ZNF536: variants seen among roughly 807,000 people sequenced by gnomAD.
ZNF536 encodes zinc finger protein 536.
A neutral mutation model predicts 84.5 loss-of-function variants in ZNF536; 13 were observed. The observed-to-expected ratio is 0.15, with a 90% CI of 0.10 to 0.24. The LOEUF is 0.24. Among genes scored for constraint, ZNF536 ranks in the 10% least tolerant of loss-of-function variants. The probability of loss-of-function intolerance (pLI) is 1.00; values close to 1 mark genes in which losing one functional copy is unlikely to be tolerated. For missense variants in ZNF536, 1,536 were observed against 1,747.5 expected (o/e 0.88, Z 2.16); for synonymous variants, 811 against 742.5 (o/e 1.09, Z -1.50).
chr19:30,484,390 CTTT>C (rs375461433), intron 2 of ZNF536, among the ~76,000 whole-genome samples: 1 of 117,440 alleles, frequency 8.5e-6, no homozygotes, highest in Non-Finnish European at 1.7e-5. Flanking sequence ...TCATGCCCAG[CTTT>C]TTTTTTTTTT....
intron 1 of ZNF536, among the ~76,000 whole-genome samples, chr19:30,705,445 TCA>T (rs1356114502): frequency 6.6e-6 from 1 of 152,192 alleles, no homozygotes; most frequent in African/African-American, 2.4e-5. Context: ...CACATTTTAA[TCA>T]CAGTCTTTGT....
Position 30,340,820 on chromosome 19 carries a change from C to T in ZNF536, c.-119-11548C>T, listed in dbSNP as rs61329178. 8.6e-3 allele frequency among the ~76,000 whole-genome samples: 1,304 copies of T among 152,168 alleles called. 27 individuals are homozygous for T. Among genetic ancestry groups the T allele is most frequent in the African/African-American group, 0.03 (1,239 of 41,518 alleles). On this transcript the variant is annotated intron_variant, in intron 2 of 5. Transcript: ENST00000585628. ...TCACCAAAGAACCTGAAATAATTGC[C>T]GGAATGATATCCTCTAAAAGATGTG...
intron 2 of ZNF536, among the ~76,000 whole-genome samples, chr19:30,314,373 C>T (rs931538151): frequency 6.6e-6 from 1 of 152,128 alleles, no homozygotes; most frequent in African/African-American, 2.4e-5. Context: ...GACTCTGCCC[C>T]TCGTCGAGAC....
At chr19:30,642,200 GC>G (rs2049291885) in intron 1 of ZNF536, among the ~76,000 whole-genome samples, 1 of 152,150 alleles carries the variant, frequency 6.6e-6, no homozygotes, top group African/African-American at 2.4e-5. Context: ...AAGTTCGTTT[GC>G]ATTGCAAATC....
At chr19:30,295,497 C>T (rs986707838) in intron 2 of ZNF536, among the ~76,000 whole-genome samples, 5 of 152,158 alleles carry the variant, frequency 3.3e-5, no homozygotes, top group South Asian at 2.1e-4. Context: ...TCTTGGGTAT[C>T]GTCCAAGAAT....
chr19:30,334,869 C>A (rs569922110), intron 2 of ZNF536, among the ~76,000 whole-genome samples: 1 of 152,336 alleles, frequency 6.6e-6, no homozygotes, highest in East Asian at 1.9e-4. Context: ...AAGGAGCACA[C>A]AACCTAGATC....
At chr19:30,256,927 GTAATTA>G (rs2024945388) in intron 1 of ZNF536, among the ~76,000 whole-genome samples, 1 of 152,124 alleles carries the variant, frequency 6.6e-6, no homozygotes. Flanking sequence ...TGTCATTTTG[GTAATTA>G]TATCAATCAA....
upstream of ZNF536, among the ~76,000 whole-genome samples, chr19:30,368,303 C>T (rs139581197): frequency 6.6e-5 from 10 of 152,326 alleles, no homozygotes; most frequent in East Asian, 7.7e-4. Flanking sequence ...TTGACCATAT[C>T]TTTCCTCTCA....
intron 1 of ZNF536, among the ~76,000 whole-genome samples, chr19:30,263,865 A>AACACAC (rs573908568): frequency 1.5e-5 from 2 of 133,310 alleles, no homozygotes; most frequent in Non-Finnish European, 3.1e-5. Flanking sequence ...CTGAAATTTA[A>AACACAC]ACACACACAC....
chr19:30,488,665 G>A (rs1002752850), intron 2 of ZNF536, among the ~76,000 whole-genome samples: 2 of 152,026 alleles, frequency 1.3e-5, no homozygotes, highest in Non-Finnish European at 2.9e-5. Flanking sequence ...TTCGCTAAAA[G>A]GAAAGCAAGC....
At chr19:30,275,385 C>G (rs2026070263) in intron 1 of ZNF536, among the ~76,000 whole-genome samples, 1 of 152,216 alleles carries the variant, frequency 6.6e-6, no homozygotes, top group Admixed American at 6.5e-5. Flanking sequence ...AGTAGGAACC[C>G]AGGTGCAGAA....
chr19:30,265,554 C>T (rs753147257), intron 1 of ZNF536, among the ~76,000 whole-genome samples: 6 of 152,156 alleles, frequency 3.9e-5, no homozygotes, highest in Non-Finnish European at 5.9e-5. Context: ...TCCCTCTGCA[C>T]AGAAATGGGC....
At chr19:30,653,698 G>C (rs1338446150) in intron 1 of ZNF536, among the ~76,000 whole-genome samples, 2 of 152,054 alleles carry the variant, frequency 1.3e-5, no homozygotes, top group Non-Finnish European at 2.9e-5. Context: ...GCTCCCTTAG[G>C]AGCAGGTGAT....
At position 30,334,532 on chromosome 19, in the gene ZNF536, C is replaced by T. The variant is rs543914909; in HGVS notation, c.-119-17836C>T. Reference sequence around the variant, plus strand: ...TAAGACAAACGTTTTCTCCACCCATCGCTGGGAGCCCACATTTTCCCTCCA... The same window carrying T: ...TAAGACAAACGTTTTCTCCACCCATTGCTGGGAGCCCACATTTTCCCTCCA... On this transcript the variant is annotated intron_variant, in intron 2 of 5. Coordinates refer to the ZNF536 transcript ENST00000585628. Among the ~76,000 whole-genome samples the T allele has an allele frequency of 1.2e-4, 18 of 152,260 alleles. No homozygotes were observed. The South Asian group carries it at 1.7e-3, about 14-fold the overall frequency.
intron 3 of ZNF536, among the ~76,000 whole-genome samples, chr19:30,539,310 C>T (rs1378053356): frequency 6.6e-6 from 1 of 152,112 alleles, no homozygotes; most frequent in Non-Finnish European, 1.5e-5. Context: ...GACAGCCAGG[C>T]AAAGCGAGTG....
intron 1 of ZNF536, among the ~76,000 whole-genome samples, chr19:30,694,845 G>GC (rs1244727358): frequency 1.3e-5 from 2 of 152,146 alleles, no homozygotes; most frequent in Non-Finnish European, 2.9e-5. Flanking sequence ...GTCAGGGTGG[G>GC]CCGTGCCATC....
intron 2 of ZNF536, among the ~76,000 whole-genome samples, chr19:30,289,462 A>T (rs534499547): frequency 6.6e-6 from 1 of 152,202 alleles, no homozygotes; most frequent in Non-Finnish European, 1.5e-5. Context: ...ACCTCCACGT[A>T]TGAGCCATGC....
chr19:30,371,558 GTTTTTTTTTTTTTGT>G (rs1568365971), upstream of ZNF536, among the ~76,000 whole-genome samples: 1 of 135,782 alleles, frequency 7.4e-6, no homozygotes, highest in African/African-American at 2.8e-5. Context: ...GTCTTTTCTT[GTTTTTTTTTTTTTGT>G]TTTTTTTTTC....
At chr19:30,390,245 G>A (rs781498762) in intron 1 of ZNF536, among the ~76,000 whole-genome samples, 1 of 152,114 alleles carries the variant, frequency 6.6e-6, no homozygotes, top group Non-Finnish European at 1.5e-5. Flanking sequence ...TTAATCTTTA[G>A]TTCAGCTGCC....
Sources: allele counts gnomAD v4.1 joint callset (sites outside exome capture counted in the v4.1 genomes callset), GRCh38; gene constraint gnomAD v4.1.1; transcripts MANE v1.5; gene names NCBI Gene and HGNC (gene_info 2026-07-23, HGNC 2026-07-21).